The following TTLL11 variants were observed in gnomAD, a reference collection of about 807,000 sequenced individuals.
TTLL11 encodes tubulin tyrosine ligase like 11.
TTLL11 carries 42 observed loss-of-function variants against 51.7 expected under a neutral mutation model. The observed-to-expected ratio is 0.81, with a 90% CI of 0.64 to 1.05. TTLL11 has a LOEUF of 1.05. TTLL11 is among the 50% of genes least tolerant of loss of function. The pLI, the probability that TTLL11 is intolerant of heterozygous loss-of-function variation, is 0.00. For missense variants in TTLL11, 799 were observed against 940.4 expected, an observed-to-expected ratio of 0.85 and a Z score of 1.97; for synonymous variants, 381 against 383.5, an observed-to-expected ratio of 0.99 and a Z score of 0.08.
Position 121,890,912 on chromosome 9 carries a change from A to G in TTLL11, c.1482-20164T>C, listed in dbSNP as rs1158852085. 1.3e-5 allele frequency among the ~76,000 whole-genome samples: 2 copies of G among 152,152 alleles called. No individual in the cohort carries two copies. The highest frequency in any genetic ancestry group is 2.9e-5 in the Non-Finnish European group (2 of 68,020). On this transcript the variant is annotated intron_variant, in intron 6 of 8. Transcript: ENST00000321582. The surrounding 1 kb of genome is among the most constrained non-coding windows in gnomAD (Gnocchi z 4.3). ...TGGCCCCATCTCAGACCACAGTCCT[A>G]TTTAAGCTCCAGCCACATTGCCCTG... is the stretch of plus-strand genomic sequence containing the variant.
At chr9:121,873,389 T>A (rs960017830) in intron 6 of TTLL11, among the ~76,000 whole-genome samples, 3 of 151,314 alleles carry the variant, frequency 2.0e-5, no homozygotes, top group African/African-American at 7.3e-5. Flanking sequence ...CTCCTTTTTT[T>A]TTTTTTTTTT....
At chr9:121,991,661 C>T (rs1843117701) in intron 3 of TTLL11, among the ~76,000 whole-genome samples, 1 of 152,168 alleles carries the variant, frequency 6.6e-6, no homozygotes, top group South Asian at 2.1e-4. Flanking sequence ...CTTTGAATTC[C>T]ATGTATATGC....
At chr9:121,931,583 T>TAAAAAAAAAA (rs1564311677) in intron 6 of TTLL11, among the ~76,000 whole-genome samples, 40 of 103,616 alleles carry the variant, frequency 3.9e-4, no homozygotes, top group Non-Finnish European at 5.2e-4. Flanking sequence ...TTTCTACTAT[T>TAAAAAAAAAA]TAAAAAAAAA....
intron 8 of TTLL11, among the ~76,000 whole-genome samples, chr9:121,856,201 C>T (rs1221694763): frequency 1.3e-5 from 2 of 152,160 alleles, no homozygotes; most frequent in Admixed American, 6.5e-5. Context: ...CTTCCCAAGT[C>T]GCTGGGACTA....
intron 8 of TTLL11, among the ~76,000 whole-genome samples, chr9:121,843,216 A>T (rs1016537417): frequency 3.3e-5 from 5 of 152,096 alleles, no homozygotes; most frequent in Admixed American, 2.6e-4. Context: ...CATCTTTACA[A>T]CAATAAAAAA....
At chr9:121,950,894 G>A (rs755933595) in intron 6 of TTLL11, among the ~76,000 whole-genome samples, 3 of 152,096 alleles carry the variant, frequency 2.0e-5, no homozygotes, top group Non-Finnish European at 2.9e-5. Flanking sequence ...ATAGGGTTAC[G>A]GTAAAAATTA....
chr9:121,934,893 C>T (rs2131562778), intron 6 of TTLL11, among the ~76,000 whole-genome samples: 1 of 152,216 alleles, frequency 6.6e-6, no homozygotes, highest in South Asian at 2.1e-4. Flanking sequence ...TTGTTTTAAA[C>T]TTTGAAGTAT....
At chr9:121,823,652 A>G (rs1254565302) in intron 8 of TTLL11, among the ~76,000 whole-genome samples, 1 of 152,212 alleles carries the variant, frequency 6.6e-6, no homozygotes, top group Non-Finnish European at 1.5e-5. Context: ...CTATCTGATA[A>G]CAGAGATGCT....
chr9:122,039,391 C>A, intron 1 of TTLL11, 23 bp from the exon 2 acceptor site: 3 of 1,592,090 alleles, frequency 1.9e-6, no homozygotes, highest in South Asian at 1.1e-5. Context: ...AAATGTGACT[C>A]GCAATAAGAA....
rs1836504948 is a variant in TTLL11, at chr9:121,819,352, A to C, written c.*3235T>G. 6.6e-6 allele frequency: 1 copy of C among 152,306 alleles called. No homozygotes were observed. The highest frequency in any genetic ancestry group is 1.5e-5 in the Non-Finnish European group (1 of 68,216). The allele number at this position is 152,306 out of a possible 1,614,324, so 9.4% of individuals were successfully genotyped here. A position where few individuals can be genotyped will look rare whatever the true frequency, so the allele number is the denominator to read the frequency against. On this transcript the variant is annotated 3_prime_UTR_variant, in exon 9 of 9. Transcript: ENST00000321582. ...GAGCAAGGAGGCTGCCCCGGGGCAC[A>C]CCCAAAGAAAGGGTAGGTGGGCCCA...
intron 1 of TTLL11, among the ~76,000 whole-genome samples, chr9:122,048,408 T>C (rs927826819): frequency 1.8e-4 from 28 of 152,222 alleles, no homozygotes; most frequent in African/African-American, 6.5e-4. Context: ...CTCAAACGGT[T>C]TTACCATCTT....
At chr9:122,069,822 C>T (rs115610832) in intron 1 of TTLL11, among the ~76,000 whole-genome samples, 25 of 152,124 alleles carry the variant, frequency 1.6e-4, no homozygotes, top group African/African-American at 5.5e-4. Flanking sequence ...TGACCCCACA[C>T]AAAAACAGCC....
At chr9:122,059,770 C>T (rs774234784) in intron 1 of TTLL11, among the ~76,000 whole-genome samples, 1 of 152,164 alleles carries the variant, frequency 6.6e-6, no homozygotes. Flanking sequence ...CCGGTTATCA[C>T]GAGGCTCAAA....
chr9:122,075,476 T>C (rs1242190422), intron 1 of TTLL11, among the ~76,000 whole-genome samples: 1 of 152,236 alleles, frequency 6.6e-6, no homozygotes, highest in Non-Finnish European at 1.5e-5. Context: ...CAGTTCTTAG[T>C]GACCAGCTAA....
At chr9:121,987,515 C>CA (rs375970632) in intron 4 of TTLL11, among the ~76,000 whole-genome samples, 23 of 152,284 alleles carry the variant, frequency 1.5e-4, no homozygotes, top group African/African-American at 5.5e-4. Context: ...TTCCCTCCCA[C>CA]ACTCTGGCTG....
At chr9:122,074,966 T>A (rs1448926148) in intron 1 of TTLL11, among the ~76,000 whole-genome samples, 1 of 152,148 alleles carries the variant, frequency 6.6e-6, no homozygotes, top group Non-Finnish European at 1.5e-5. Flanking sequence ...GCTTTGACAT[T>A]TGATAGATGA....
At chr9:121,841,168 GC>G (rs1837333848) in intron 8 of TTLL11, among the ~76,000 whole-genome samples, 1 of 152,164 alleles carries the variant, frequency 6.6e-6, no homozygotes, top group South Asian at 2.1e-4. Flanking sequence ...ATGAGCAGAG[GC>G]CCCACGATGG....
Position 121,816,967 on chromosome 9 carries a change from T to A in TTLL11, c.*5620A>T, listed in dbSNP as rs959625237. On this transcript the variant is annotated 3_prime_UTR_variant, in exon 9 of 9. Transcript: ENST00000321582. Reference sequence around the variant, plus strand: ...AAAATATCCATCAAGGTGAGGTGGATTTCAGGTTAATACACACGGTGGTGA... The same window carrying A: ...AAAATATCCATCAAGGTGAGGTGGAATTCAGGTTAATACACACGGTGGTGA... The A allele has an allele frequency of 4.6e-5, 7 of 152,066 alleles. No homozygotes were observed. The highest frequency in any genetic ancestry group is 2.6e-4 in the Admixed American group (4 of 15,264). The allele number at this position is 152,066 out of a possible 1,614,324, so 9.4% of individuals were successfully genotyped here.
intron 6 of TTLL11, among the ~76,000 whole-genome samples, chr9:121,968,524 T>C (rs1169539082): frequency 6.6e-6 from 1 of 152,208 alleles, no homozygotes; most frequent in Non-Finnish European, 1.5e-5. Flanking sequence ...CTAAGCATTG[T>C]TTTTTCTTTC....
Sources: allele counts gnomAD v4.1 joint callset (sites outside exome capture counted in the v4.1 genomes callset), GRCh38; gene constraint gnomAD v4.1.1; non-coding constraint Gnocchi (gnomAD v3.1); transcripts MANE v1.5; gene names NCBI Gene and HGNC (gene_info 2026-07-23, HGNC 2026-07-21).